FAT3: variants seen among roughly 807,000 people sequenced by gnomAD.
FAT3 encodes the protein FAT atypical cadherin 3, also known as protocadherin Fat 3.
Under a neutral mutation model 310.2 loss-of-function variants are expected in FAT3, and 95 were observed. The ratio of observed to expected loss-of-function variants is 0.31; its 90% CI spans 0.26 to 0.36. FAT3 has a LOEUF of 0.36. Ranked by LOEUF, FAT3 falls within the 10% of genes least tolerant of loss-of-function variation. The pLI is 1.00. For synonymous variants in FAT3, 2,314 were observed against 2,192.9 expected, an observed-to-expected ratio of 1.06 and a Z score of -1.54; for missense variants, 5,408 against 5,715.6, an observed-to-expected ratio of 0.95 and a Z score of 1.74.
chr11:92,341,897 A>T (rs1383626716), intron 1 of FAT3, among the ~76,000 whole-genome samples: 1 of 152,130 alleles, frequency 6.6e-6, no homozygotes, highest in African/African-American at 2.4e-5. Flanking sequence ...CCCAACCTTC[A>T]TGAAGCCAGA....
intron 1 of FAT3, among the ~76,000 whole-genome samples, chr11:92,278,098 A>G (rs1946325357): frequency 1.3e-5 from 2 of 152,134 alleles, no homozygotes; most frequent in South Asian, 4.1e-4. Flanking sequence ...GAACACTAAA[A>G]TTCTAACCCA....
chr11:92,413,969 G>A (rs1032827254), intron 2 of FAT3, among the ~76,000 whole-genome samples: 1 of 152,058 alleles, frequency 6.6e-6, no homozygotes, highest in African/African-American at 2.4e-5. Flanking sequence ...ATCCTTCCAG[G>A]AGTTGCTATA....
At chr11:92,419,025 A>T (rs1950481792) in intron 2 of FAT3, among the ~76,000 whole-genome samples, 1 of 152,184 alleles carries the variant, frequency 6.6e-6, no homozygotes, top group Non-Finnish European at 1.5e-5. Context: ...AGTTTTCAAA[A>T]GGAACTTCAG....
At chr11:92,577,729 T>C (rs1178388144) in intron 3 of FAT3, among the ~76,000 whole-genome samples, 1 of 152,104 alleles carries the variant, frequency 6.6e-6, no homozygotes, top group East Asian at 1.9e-4. Context: ...GCCAGCAGCC[T>C]AGGGATCAGC....
intron 3 of FAT3, among the ~76,000 whole-genome samples, chr11:92,695,420 TC>T (rs1339866904): frequency 6.6e-6 from 1 of 152,038 alleles, no homozygotes. Context: ...CAGTCTTTCC[TC>T]CTTAATCTCA....
intron 2 of FAT3, chr11:92,366,927 C>T (rs907122039): frequency 1.3e-5 from 7 of 531,662 alleles, no homozygotes; most frequent in East Asian, 5.1e-5. Context: ...ACCTGGGCCT[C>T]GCCATGCTTT....
chr11:92,649,282 G>A (rs555695482), intron 3 of FAT3, among the ~76,000 whole-genome samples: 202 of 152,254 alleles, frequency 1.3e-3, no homozygotes, highest in Non-Finnish European at 2.4e-3. Flanking sequence ...TTTATAGCAA[G>A]CAGGACTCTA....
In FAT3 at chr11:92,381,432, G is replaced by A. The variant is rs377505712; in HGVS notation, c.3292+26028G>A. Among the ~76,000 whole-genome samples, 6 of 152,246 alleles carry A rather than the reference G, an allele frequency of 3.9e-5. No homozygotes were observed. In the East Asian group the frequency reaches 5.8e-4, roughly 15 times the overall value. On this transcript the variant is annotated intron_variant, in intron 2 of 27. Coordinates refer to ENST00000525166, the MANE Select transcript of FAT3 (RefSeq NM_001367949.2). Reference sequence around the variant, plus strand: ...GGAGGCTGAGGCATGAGAATTGCTCGAACATGGGAGGCGGAGGTTGCAATG... The same window carrying A: ...GGAGGCTGAGGCATGAGAATTGCTCAAACATGGGAGGCGGAGGTTGCAATG...
intron 1 of FAT3, among the ~76,000 whole-genome samples, chr11:92,270,165 C>T: frequency 6.6e-6 from 1 of 152,190 alleles, no homozygotes; most frequent in African/African-American, 2.4e-5. Context: ...ATGACTACTT[C>T]CATCTTCTTA....
chr11:92,422,890 C>T (rs760039504), intron 2 of FAT3, among the ~76,000 whole-genome samples: 6 of 152,004 alleles, frequency 3.9e-5, no homozygotes, highest in Admixed American at 6.6e-5. Flanking sequence ...TTGCAAGGGA[C>T]GTTGACCAGA....
chr11:92,469,809 C>T (rs1951862826), intron 2 of FAT3, among the ~76,000 whole-genome samples: 1 of 152,092 alleles, frequency 6.6e-6, no homozygotes, highest in African/African-American at 2.4e-5. Context: ...GCCACCGCAC[C>T]TGGCCTAATT....
At chr11:92,734,728 A>G (rs1945291308) in intron 4 of FAT3, among the ~76,000 whole-genome samples, 1 of 152,168 alleles carries the variant, frequency 6.6e-6, no homozygotes, top group Non-Finnish European at 1.5e-5. Flanking sequence ...GAGAGAAGGA[A>G]CAAGGTGTGT....
intron 1 of FAT3, among the ~76,000 whole-genome samples, chr11:92,254,193 C>T (rs1288160266): frequency 1.3e-4 from 20 of 152,242 alleles, no homozygotes; most frequent in Admixed American, 6.5e-5. Context: ...AGCCCAGCAA[C>T]GCTGCCTTCT....
intron 4 of FAT3, among the ~76,000 whole-genome samples, chr11:92,705,323 G>A (rs1409994224): frequency 6.6e-6 from 1 of 151,136 alleles, no homozygotes; most frequent in Non-Finnish European, 1.5e-5. Flanking sequence ...TGGTGGTGAT[G>A]GTGGTGGTGT....
chr11:92,644,156 CA>C (rs1225944932), intron 3 of FAT3, among the ~76,000 whole-genome samples: 3 of 152,268 alleles, frequency 2.0e-5, no homozygotes, highest in South Asian at 2.1e-4. Context: ...TCAGGCAGGC[CA>C]GGGGTGGGGG....
In FAT3 at chr11:92,539,728, C is replaced by A. The variant is rs183227350; in HGVS notation, c.3607+14780C>A. On this transcript the variant is annotated intron_variant, in intron 3 of 27. Coordinates refer to ENST00000525166, the MANE Select transcript of FAT3 (RefSeq NM_001367949.2). ...CAAAGTCAGAAGAATTATCTGTGCC[C>A]AGGGTTATTCCAGATAACTGATGTT... Among the ~76,000 whole-genome samples the A allele has an allele frequency of 4.5e-3, 691 of 152,246 alleles. 7 individuals are homozygous for A. The highest frequency in any genetic ancestry group is 0.016 in the African/African-American group (657 of 41,548).
In FAT3 at chr11:92,610,401, A is replaced by G. The variant is rs192922573; in HGVS notation, c.3607+85453A>G. Among the ~76,000 whole-genome samples the G allele has an allele frequency of 3.7e-3, 563 of 152,286 alleles. 2 individuals carry two copies. The highest frequency in any genetic ancestry group is 5.3e-3 in the Non-Finnish European group (363 of 68,020). Reference sequence around the variant, plus strand: ...TGTTTTATCTGAAAATTCTTTGATAATGTTTATTTATGTTGTAATACTCAT... The same window carrying G: ...TGTTTTATCTGAAAATTCTTTGATAGTGTTTATTTATGTTGTAATACTCAT... On this transcript the variant is annotated intron_variant, in intron 3 of 27. Coordinates refer to ENST00000525166, the MANE Select transcript of FAT3 (RefSeq NM_001367949.2).
intron 3 of FAT3, among the ~76,000 whole-genome samples, chr11:92,567,474 G>T (rs924878221): frequency 6.7e-6 from 1 of 149,652 alleles, no homozygotes; most frequent in African/African-American, 2.5e-5. Flanking sequence ...GGAAGTCAGT[G>T]TGGCGATTCC....
At chr11:92,395,389 A>G (rs1252944066) in intron 2 of FAT3, among the ~76,000 whole-genome samples, 3 of 152,114 alleles carry the variant, frequency 2.0e-5, no homozygotes, top group Admixed American at 6.6e-5. Flanking sequence ...CTTTTTGCTC[A>G]TTAGTATTTA....
Sources: allele counts gnomAD v4.1 joint callset (sites outside exome capture counted in the v4.1 genomes callset), GRCh38; gene constraint gnomAD v4.1.1; transcripts MANE v1.5; gene names NCBI Gene and HGNC (gene_info 2026-07-23, HGNC 2026-07-21).